The following WASL variants were observed in gnomAD, a reference collection of about 807,000 sequenced individuals.
WASL encodes actin nucleation-promoting factor WASL.
In WASL, 20 loss-of-function variants were observed where a neutral mutation model predicts 55.5. The observed-to-expected ratio is 0.36, with a 90% confidence interval of 0.25 to 0.52. The LOEUF (loss-of-function observed/expected upper bound fraction) is 0.52, where lower values mean the gene tolerates loss of function less well. Ranked by LOEUF, WASL falls within the 20% of genes least tolerant of loss-of-function variation. WASL has a pLI of 0.92. For missense variants in WASL, 504 were observed against 622.5 expected (o/e 0.81, Z 2.03); for synonymous variants, 249 against 217.6 (o/e 1.14, Z -1.27).
At chr7:123,733,045 G>C (rs1161840032) in intron 1 of WASL, among the ~76,000 whole-genome samples, 1 of 152,132 alleles carries the variant, frequency 6.6e-6, no homozygotes, top group South Asian at 2.1e-4. Flanking sequence ...TCAATAACCT[G>C]CAGCTAACCC....
At chr7:123,691,954 A>G (rs1446871955) in intron 9 of WASL, among the ~76,000 whole-genome samples, 4 of 152,182 alleles carry the variant, frequency 2.6e-5, no homozygotes, top group Non-Finnish European at 5.9e-5. Flanking sequence ...CTTTTATTTG[A>G]AAGTAAAGTC....
chr7:123,745,421 G>A (rs1804415359), intron 1 of WASL, among the ~76,000 whole-genome samples: 1 of 152,052 alleles, frequency 6.6e-6, no homozygotes, highest in African/African-American at 2.4e-5. Context: ...CTTCTTAGTT[G>A]TGAAATGTAC....
intron 1 of WASL, among the ~76,000 whole-genome samples, chr7:123,726,568 T>A (rs1804043059): frequency 6.6e-6 from 1 of 152,230 alleles, no homozygotes; most frequent in Non-Finnish European, 1.5e-5. Context: ...TCAAAAAACA[T>A]CATTAAAAAT....
At chr7:123,698,110 G>C (rs1562958571) in intron 5 of WASL, among the ~76,000 whole-genome samples, 1 of 149,938 alleles carries the variant, frequency 6.7e-6, no homozygotes, top group Non-Finnish European at 1.5e-5. Context: ...TGCTGATTTT[G>C]TTTTATATGT....
In WASL at chr7:123,706,943, C is replaced by T. The variant is rs556467967; in HGVS notation, c.253-117G>A. ...TATATTAAAAATAACTTTTAATGCA[C>T]ACATGTAACATATTTATAATATATA... On this transcript the variant is annotated intron_variant, in intron 2 of 10. Transcript: ENST00000223023. The T allele has an allele frequency of 1.4e-3, 693 of 510,916 alleles. 14 individuals are homozygous for T. In the South Asian group the frequency reaches 0.024, roughly 18 times the overall value. 31.6% of individuals were successfully genotyped at this position (510,916 alleles called of 1,614,324 possible). A position where few individuals can be genotyped will look rare whatever the true frequency, so the allele number is the denominator to read the frequency against.
chr7:123,684,654 C>A, intron 10 of WASL, 74 bp from the exon 11 acceptor site: 4 of 1,400,326 alleles, frequency 2.9e-6, no homozygotes, highest in African/African-American at 1.5e-5. Context: ...GTGGTTTCTC[C>A]AATTATTTAA....
In WASL at chr7:123,706,744, C is replaced by G; in HGVS notation, c.335G>C (p.Gly112Ala). The change falls in exon 3 of 11, where the codon GGA (glycine) becomes GCA (alanine). Residue 112 changes from glycine (G) to alanine (A), a missense_variant. Physicochemically the swap from Gly to Ala is moderately conservative, Grantham distance 60. Transcript: ENST00000223023. ...SPRGYFHTFA[G>A]DTCQVALNFA... is the part of the protein sequence containing the mutation. ...ATAAAGAAAAATATGACTTACATCT[C>G]CAGCAAAGGTATGAAAATATCCTCT... The G allele has an allele frequency of 6.4e-7, 1 of 1,563,240 alleles. No homozygotes were observed. The highest frequency in any genetic ancestry group is 8.6e-7 in the Non-Finnish European group (1 of 1,160,284).
Position 123,683,998 on chromosome 7 carries a change from G to A in WASL, c.*521C>T, listed in dbSNP as rs942866849. 1.3e-5 allele frequency: 2 copies of A among 151,816 alleles called. No homozygotes were observed. Among genetic ancestry groups the A allele is most frequent in the South Asian group, 2.1e-4 (1 of 4,820 alleles). The allele number at this position is 151,816 out of a possible 1,614,324, so 9.4% of individuals were successfully genotyped here. A position where few individuals can be genotyped will look rare whatever the true frequency, so the allele number is the denominator to read the frequency against. On this transcript the variant is annotated 3_prime_UTR_variant, in exon 11 of 11. Transcript: ENST00000223023. ...TTGCTAAAATTTGAGAAACTACATCGGTGTAGTGATGTCTACAGAACTGTG... is the reference window on the plus strand; with the variant it reads ...TTGCTAAAATTTGAGAAACTACATCAGTGTAGTGATGTCTACAGAACTGTG...
At chr7:123,702,932 T>C (rs1422972909) in intron 5 of WASL, among the ~76,000 whole-genome samples, 1 of 152,204 alleles carries the variant, frequency 6.6e-6, no homozygotes, top group Non-Finnish European at 1.5e-5. Flanking sequence ...GGGGTTACTT[T>C]CCCCAAAGTG....
At chr7:123,687,089 A>G (rs901752038) in intron 10 of WASL, among the ~76,000 whole-genome samples, 1 of 152,068 alleles carries the variant, frequency 6.6e-6, no homozygotes, top group Non-Finnish European at 1.5e-5. Context: ...TCCCCTTTCC[A>G]GTTGTTCAAG....
chr7:123,728,481 T>A (rs1804087604), intron 1 of WASL, among the ~76,000 whole-genome samples: 1 of 152,152 alleles, frequency 6.6e-6, no homozygotes, highest in Admixed American at 6.5e-5. Flanking sequence ...TCTAGGAAAT[T>A]GCTGATTCCA....
intron 4 of WASL, 54 bp from the exon 5 acceptor site, chr7:123,704,711 A>G: frequency 7.4e-6 from 9 of 1,209,096 alleles, no homozygotes; most frequent in Non-Finnish European, 1.1e-6. Flanking sequence ...GACAACATCA[A>G]CATAAAAAAA....
intron 1 of WASL, among the ~76,000 whole-genome samples, chr7:123,746,490 C>A (rs1399210289): frequency 6.6e-6 from 1 of 152,086 alleles, no homozygotes; most frequent in Non-Finnish European, 1.5e-5. Context: ...GAATAATCAG[C>A]CAAGGGAGGA....
At chr7:123,740,827 C>A (rs556153573) in intron 1 of WASL, among the ~76,000 whole-genome samples, 24 of 152,264 alleles carry the variant, frequency 1.6e-4, no homozygotes, top group Non-Finnish European at 3.1e-4. Context: ...CTCAAGTGAT[C>A]TTCCTGCCTC....
chr7:123,690,933 T>TATAA (rs981280726), intron 9 of WASL, among the ~76,000 whole-genome samples: 23 of 152,294 alleles, frequency 1.5e-4, no homozygotes, highest in African/African-American at 5.1e-4. Context: ...AACCACTCTT[T>TATAA]AAAGTTCTTC....
chr7:123,692,310 A>G (rs774196194), intron 9 of WASL, 37 bp downstream of exon 9: 1 of 1,572,928 alleles, frequency 6.4e-7, no homozygotes, highest in East Asian at 2.2e-5. Flanking sequence ...CCATTATGAT[A>G]AAGGATCTAA....
chr7:123,714,294 T>A (rs1343945431), intron 1 of WASL, among the ~76,000 whole-genome samples: 1 of 152,036 alleles, frequency 6.6e-6, no homozygotes, highest in Non-Finnish European at 1.5e-5. Context: ...AAAATTCACT[T>A]TGGAGACAAG....
At chr7:123,747,717 T>C (rs548456120) in intron 1 of WASL, among the ~76,000 whole-genome samples, 86 of 152,172 alleles carry the variant, frequency 5.7e-4, no homozygotes, top group Middle Eastern at 3.4e-3. Flanking sequence ...CGCAGTATGA[T>C]CCCGACAAGG....
At chr7:123,724,927 G>C (rs978870391) in intron 1 of WASL, among the ~76,000 whole-genome samples, 7 of 152,084 alleles carry the variant, frequency 4.6e-5, no homozygotes, top group Admixed American at 6.5e-5. Context: ...GAAGTGGTGA[G>C]AGTTTGGGGG....
Sources: gnomAD v4.1 joint callset for allele counts (sites outside exome capture counted in the v4.1 genomes callset) on GRCh38, gnomAD v4.1.1 for gene constraint, MANE v1.5 for transcripts, NCBI Gene and HGNC (gene_info 2026-07-23, HGNC 2026-07-21) for gene names.